Variants in CSMD3 observed in about 807,000 individuals in gnomAD.
CSMD3 encodes the protein CUB and Sushi multiple domains 3.
CSMD3 carries 177 observed loss-of-function variants against 435.2 expected under a neutral mutation model. The ratio of observed to expected loss-of-function variants is 0.41; its 90% confidence interval spans 0.36 to 0.46. The LOEUF (loss-of-function observed/expected upper bound fraction) is 0.46, where lower values mean the gene tolerates loss of function less well. CSMD3 is among the 20% of genes least tolerant of loss of function. The probability of loss-of-function intolerance (pLI) is 0.34; values close to 1 mark genes in which losing one functional copy is unlikely to be tolerated. For synonymous variants in CSMD3, 1,656 were observed against 1,520.5 expected, an observed-to-expected ratio of 1.09 and a Z score of -2.07; for missense variants, 4,265 against 4,504.6, an observed-to-expected ratio of 0.95 and a Z score of 1.52.
chr8:112,239,868 C>T (rs11989521), intron 66 of CSMD3, among the ~76,000 whole-genome samples: 35,887 of 151,778 alleles, frequency 0.24, 4,402 homozygotes, highest in East Asian at 0.36. Context: ...CTGTTTTGGG[C>T]GGTTGCCTGT....
At chr8:112,525,222 C>G (rs1022212302) in intron 27 of CSMD3, among the ~76,000 whole-genome samples, 9 of 151,490 alleles carry the variant, frequency 5.9e-5, no homozygotes, top group Non-Finnish European at 2.9e-5. Flanking sequence ...TTTCAGAATA[C>G]ATTTTTGACA....
intron 10 of CSMD3, among the ~76,000 whole-genome samples, chr8:112,918,486 G>A (rs1052291692): frequency 5.3e-5 from 8 of 151,368 alleles, no homozygotes; most frequent in African/African-American, 1.2e-4. Flanking sequence ...AAATGTTTCC[G>A]CATTATCAAA....
chr8:112,486,897 G>A lies in CSMD3; in HGVS notation c.5278+5592C>T, dbSNP rs117951614. Among the ~76,000 whole-genome samples, 103 of 152,170 alleles carry A rather than the reference G, an allele frequency of 6.8e-4. 2 individuals carry two copies. In the East Asian group the frequency reaches 0.019, roughly 29 times the overall value. On this transcript the variant is annotated intron_variant, in intron 31 of 70. Coordinates refer to ENST00000297405, the MANE Select transcript of CSMD3 (RefSeq NM_198123.2). Reference sequence around the variant, plus strand: ...TTGTTATCCCCAATTTTAAATGCAGGACCAGGCATAATGGTACTTTTAACA... The same window carrying A: ...TTGTTATCCCCAATTTTAAATGCAGAACCAGGCATAATGGTACTTTTAACA...
At chr8:113,066,388 G>GT (rs2088860817) in intron 5 of CSMD3, among the ~76,000 whole-genome samples, 1 of 151,726 alleles carries the variant, frequency 6.6e-6, no homozygotes, top group Non-Finnish European at 1.5e-5. Flanking sequence ...GAGGACTTCA[G>GT]TTAAAAAAAA....
intron 3 of CSMD3, among the ~76,000 whole-genome samples, chr8:113,244,453 T>C (rs1350601030): frequency 6.6e-6 from 1 of 152,054 alleles, no homozygotes; most frequent in Non-Finnish European, 1.5e-5. Context: ...GTAGCTGGGA[T>C]TACAGGCATG....
At chr8:112,505,077 A>G (rs929842314) in intron 29 of CSMD3, among the ~76,000 whole-genome samples, 4 of 152,138 alleles carry the variant, frequency 2.6e-5, no homozygotes, top group Admixed American at 6.5e-5. Flanking sequence ...TTACATATGC[A>G]TGTACAAGAA....
intron 3 of CSMD3, among the ~76,000 whole-genome samples, chr8:113,255,142 C>T (rs1422930154): frequency 6.6e-6 from 1 of 152,012 alleles, no homozygotes; most frequent in African/African-American, 2.4e-5. Flanking sequence ...GTTTTTAGTG[C>T]TCCAAATAAT....
chr8:113,258,524 G>T (rs2093402226), intron 3 of CSMD3, among the ~76,000 whole-genome samples: 1 of 152,168 alleles, frequency 6.6e-6, no homozygotes, highest in Admixed American at 6.5e-5. Context: ...TCATAACACA[G>T]CTTCTAGGAA....
At position 112,241,961 on chromosome 8, in the gene CSMD3, T is replaced by C. The variant is rs76761399; in HGVS notation, c.10403-176A>G. 3.3e-3 allele frequency among the ~76,000 whole-genome samples: 504 copies of C among 152,180 alleles called. 4 individuals carry two copies. The highest frequency in any genetic ancestry group is 0.012 in the African/African-American group (490 of 41,542). ...CGTTCATCACAACATCTCAGTCCCCTACTCAGCACTCGTTATGCAACTAAT... is the reference window on the plus strand; with the variant it reads ...CGTTCATCACAACATCTCAGTCCCCCACTCAGCACTCGTTATGCAACTAAT... On this transcript the variant is annotated intron_variant, in intron 65 of 70. Coordinates refer to ENST00000297405, the MANE Select transcript of CSMD3 (RefSeq NM_198123.2).
intron 18 of CSMD3, among the ~76,000 whole-genome samples, chr8:112,654,277 C>G (rs2075203140): frequency 6.6e-6 from 1 of 152,076 alleles, no homozygotes; most frequent in Admixed American, 6.5e-5. Flanking sequence ...GCTTGGGAAA[C>G]AGTAAGAAAG....
chr8:113,253,004 AC>A (rs2093347926), intron 3 of CSMD3, among the ~76,000 whole-genome samples: 1 of 152,192 alleles, frequency 6.6e-6, no homozygotes, highest in South Asian at 2.1e-4. Context: ...GAATTTCTCC[AC>A]TCAGTAGAAC....
In CSMD3 at chr8:112,638,187, T is replaced by A. The variant is rs1461448603; in HGVS notation, c.3526+509A>T. Among the ~76,000 whole-genome samples, 13 of 112,070 alleles carry A rather than the reference T, an allele frequency of 1.2e-4. 1 individual carries two copies. Among genetic ancestry groups the A allele is most frequent in the Admixed American group, 1.1e-3 (12 of 11,344 alleles). 73.5% of individuals were successfully genotyped at this position (112,070 alleles called of 152,430 possible). A position where few individuals can be genotyped will look rare whatever the true frequency, so the allele number is the denominator to read the frequency against. On this transcript the variant is annotated intron_variant, in intron 21 of 70. Coordinates refer to ENST00000297405, the MANE Select transcript of CSMD3 (RefSeq NM_198123.2). ...AATTCCAGAATAATAAATTACTATT[T>A]ATTAATTATATATATAATTAAAATA...
intron 24 of CSMD3, among the ~76,000 whole-genome samples, chr8:112,569,934 T>C (rs1029503726): frequency 5.9e-5 from 9 of 152,130 alleles, no homozygotes; most frequent in African/African-American, 1.9e-4. Flanking sequence ...TCGCTCCTGT[T>C]CTGATTCTGT....
At chr8:112,317,484 G>C (rs1026132495) in intron 47 of CSMD3, among the ~76,000 whole-genome samples, 9 of 151,996 alleles carry the variant, frequency 5.9e-5, no homozygotes, top group East Asian at 1.9e-4. Context: ...CCCCTCAAAG[G>C]TTGAGCCTCT....
intron 38 of CSMD3, among the ~76,000 whole-genome samples, chr8:112,365,468 C>CT (rs546920182): frequency 0.051 from 5,700 of 112,358 alleles, 195 homozygotes; most frequent in East Asian, 0.12. Flanking sequence ...CATAGATTTC[C>CT]TTTTTTTTTT....
At chr8:112,365,264 A>G (rs56156694) in intron 38 of CSMD3, among the ~76,000 whole-genome samples, 59,838 of 151,776 alleles carry the variant, frequency 0.39, 13,268 homozygotes, top group Middle Eastern at 0.54. Context: ...AGAAAGCAAA[A>G]TTGGCTCTTT....
chr8:113,049,312 C>CT (rs2087982235), intron 5 of CSMD3, among the ~76,000 whole-genome samples: 3 of 151,926 alleles, frequency 2.0e-5, no homozygotes, highest in Non-Finnish European at 4.4e-5. Flanking sequence ...TCAAGGACAC[C>CT]TGAGGGCAGC....
chr8:112,518,376 T>G (rs936249687), intron 27 of CSMD3, among the ~76,000 whole-genome samples: 2 of 151,330 alleles, frequency 1.3e-5, no homozygotes, highest in African/African-American at 4.9e-5. Flanking sequence ...AGCATGGTGG[T>G]GCATGCCTGC....
In CSMD3 at chr8:112,682,613, C is replaced by G. The variant is rs1293445601; in HGVS notation, c.2506G>C (p.Asp836His). 6.2e-7 allele frequency: 1 copy of G among 1,612,690 alleles called. No homozygotes were observed. The highest frequency in any genetic ancestry group is 1.7e-5 in the Admixed American group (1 of 59,968). Residue 836 changes from aspartate (D) to histidine (H), a missense_variant, in exon 16 of 71, where the codon GAT becomes CAT. Physicochemically the swap from Asp to His is moderately conservative, Grantham distance 81. Transcript: ENST00000297405. ...YNTFGHNECP[D>H]PGIPINARRF... ...CGTGCATTGATTGGTATTCCAGGATCAGGGCATTCATTATGTCCAAATGCT... is the reference window on the plus strand; with the variant it reads ...CGTGCATTGATTGGTATTCCAGGATGAGGGCATTCATTATGTCCAAATGCT...
Sources: gnomAD v4.1 joint callset for allele counts (sites outside exome capture counted in the v4.1 genomes callset) on GRCh38, gnomAD v4.1.1 for gene constraint, MANE v1.5 for transcripts, NCBI Gene and HGNC (gene_info 2026-07-23, HGNC 2026-07-21) for gene names.